STK39: variants seen among roughly 807,000 people sequenced by gnomAD.
The protein encoded by STK39 is STE20/SPS1-related proline-alanine-rich protein kinase.
A neutral mutation model predicts 77.8 loss-of-function variants in STK39; 20 were observed. The observed-to-expected ratio is 0.26, with a 90% CI of 0.18 to 0.37. STK39 has a LOEUF of 0.37. Ranked by LOEUF, STK39 falls within the 10% of genes least tolerant of loss-of-function variation. STK39 has a pLI of 1.00. For missense variants in STK39, 479 were observed against 656.5 expected, an observed-to-expected ratio of 0.73 and a Z score of 2.95; for synonymous variants, 246 against 234.1, an observed-to-expected ratio of 1.05 and a Z score of -0.47.
chr2:168,027,027 TG>T (rs1256402944), intron 14 of STK39, among the ~76,000 whole-genome samples: 1 of 152,218 alleles, frequency 6.6e-6, no homozygotes, highest in Non-Finnish European at 1.5e-5. Context: ...TATGTTGAAA[TG>T]TTTTTTATAA....
intron 10 of STK39, among the ~76,000 whole-genome samples, chr2:168,086,343 G>C (rs1686366882): frequency 6.6e-6 from 1 of 152,080 alleles, no homozygotes; most frequent in Admixed American, 6.6e-5. Context: ...ATCTCCATCT[G>C]ACTATGTTAT....
At chr2:168,087,500 A>G (rs1326479500) in intron 10 of STK39, among the ~76,000 whole-genome samples, 5 of 152,252 alleles carry the variant, frequency 3.3e-5, no homozygotes, top group African/African-American at 1.2e-4. Context: ...CAATACGTGG[A>G]AAAGCTTTCA....
chr2:168,082,976 T>C (rs1283164493), intron 10 of STK39, among the ~76,000 whole-genome samples: 1 of 152,188 alleles, frequency 6.6e-6, no homozygotes, highest in African/African-American at 2.4e-5. Flanking sequence ...CCTAACATGA[T>C]GCCTGCCATA....
At chr2:168,112,512 G>C (rs1252056603) in intron 10 of STK39, among the ~76,000 whole-genome samples, 2 of 152,050 alleles carry the variant, frequency 1.3e-5, no homozygotes, top group Non-Finnish European at 2.9e-5. Context: ...GATGCGTCTT[G>C]CTTCCCCTTC....
chr2:168,121,606 C>T (rs904310315), intron 10 of STK39, among the ~76,000 whole-genome samples: 1 of 152,204 alleles, frequency 6.6e-6, no homozygotes, highest in African/African-American at 2.4e-5. Context: ...CTCCATTTCA[C>T]CCAAATTAAC....
intron 10 of STK39, among the ~76,000 whole-genome samples, chr2:168,116,488 G>A (rs921512469): frequency 4.6e-5 from 7 of 152,092 alleles, no homozygotes; most frequent in Non-Finnish European, 1.0e-4. Flanking sequence ...GGATTTCAAA[G>A]TAAAAAAATA....
intron 14 of STK39, among the ~76,000 whole-genome samples, chr2:168,020,694 T>C (rs990419670): frequency 2.0e-5 from 3 of 151,352 alleles, no homozygotes; most frequent in Admixed American, 6.6e-5. Flanking sequence ...TATAATCTCA[T>C]TTAATTCCAA....
chr2:168,221,840 C>A (rs559793102), intron 1 of STK39, among the ~76,000 whole-genome samples: 1 of 152,196 alleles, frequency 6.6e-6, no homozygotes, highest in East Asian at 1.9e-4. Flanking sequence ...GGATAATTAA[C>A]CCATCGTCTG....
intron 14 of STK39, among the ~76,000 whole-genome samples, chr2:168,036,151 T>G (rs80172734): frequency 5.3e-5 from 8 of 152,112 alleles, no homozygotes; most frequent in African/African-American, 1.9e-4. Flanking sequence ...CTCAATATAT[T>G]TTTCTCTGGG....
chr2:168,056,879 G>A (rs1273340608), intron 14 of STK39, among the ~76,000 whole-genome samples: 1 of 152,156 alleles, frequency 6.6e-6, no homozygotes, highest in Non-Finnish European at 1.5e-5. Flanking sequence ...GCTTGTTCAG[G>A]CCCAGAGATG....
intron 1 of STK39, among the ~76,000 whole-genome samples, chr2:168,191,185 A>G (rs1015190249): frequency 6.6e-6 from 1 of 152,214 alleles, no homozygotes; most frequent in Admixed American, 6.5e-5. Context: ...TAAATAAGAA[A>G]AAGGAATCCC....
chr2:168,048,726 C>T (rs1341322087), intron 14 of STK39, among the ~76,000 whole-genome samples: 4 of 152,162 alleles, frequency 2.6e-5, no homozygotes, highest in African/African-American at 7.2e-5. Context: ...TTGTTGTTGA[C>T]TCTTCAGGTT....
At chr2:168,057,157 T>C (rs1248449854) in intron 14 of STK39, among the ~76,000 whole-genome samples, 2 of 152,204 alleles carry the variant, frequency 1.3e-5, no homozygotes, top group Admixed American at 6.5e-5. Flanking sequence ...TGGTGGCCCA[T>C]GGCTATGCTC....
chr2:168,039,663 T>C (rs1685053811), intron 14 of STK39, among the ~76,000 whole-genome samples: 1 of 149,680 alleles, frequency 6.7e-6, no homozygotes, highest in East Asian at 2.0e-4. Context: ...GAGGGAGGAA[T>C]GGATTGCAAA....
Position 168,129,527 on chromosome 2 carries a change from C to T in STK39, c.1089+14G>A. On this transcript the variant is annotated intron_variant, in intron 10 of 17. Transcript: ENST00000355999. ...ATTGGTTCCTACAGGGTCATGAAGG[C>T]TAATGGCACTTACCTTTTTGGCTCT... 1 of 1,613,980 alleles carries T rather than the reference C, an allele frequency of 6.2e-7. No homozygotes were observed. The highest frequency in any genetic ancestry group is 8.5e-7 in the Non-Finnish European group (1 of 1,179,914).
At chr2:168,018,459 T>A (rs551858873) in intron 14 of STK39, among the ~76,000 whole-genome samples, 1 of 150,414 alleles carries the variant, frequency 6.6e-6, no homozygotes, top group African/African-American at 2.5e-5. Flanking sequence ...CACCACTGCA[T>A]TACAGCTTGG....
At chr2:168,163,992 A>C in intron 3 of STK39, 112 bp from the exon 4 acceptor site, 1 of 1,405,110 alleles carries the variant, frequency 7.1e-7, no homozygotes, top group Non-Finnish European at 9.5e-7. Context: ...GCTTTATTTA[A>C]TGCAAATATT....
At chr2:168,037,269 A>G (rs1159142655) in intron 14 of STK39, among the ~76,000 whole-genome samples, 1 of 152,238 alleles carries the variant, frequency 6.6e-6, no homozygotes, top group Non-Finnish European at 1.5e-5. Context: ...AATTTAAATT[A>G]GCAAAGATTA....
chr2:168,032,408 T>C (rs1684851860), intron 14 of STK39, among the ~76,000 whole-genome samples: 1 of 152,320 alleles, frequency 6.6e-6, no homozygotes, highest in Middle Eastern at 3.4e-3. Context: ...AGTTAAGGAC[T>C]TAACAAGACT....
Sources: gnomAD v4.1 joint callset for allele counts (sites outside exome capture counted in the v4.1 genomes callset) on GRCh38, gnomAD v4.1.1 for gene constraint, MANE v1.5 for transcripts, NCBI Gene and HGNC (gene_info 2026-07-23, HGNC 2026-07-21) for gene names.